The following ADAMTSL3 variants were observed in gnomAD, a reference collection of about 807,000 sequenced individuals.
ADAMTSL3 encodes the protein ADAMTS like 3.
In ADAMTSL3, 128 loss-of-function variants were observed where a neutral mutation model predicts 201.7. That is an observed-to-expected ratio of 0.63 (90% CI 0.55 to 0.73). The LOEUF (loss-of-function observed/expected upper bound fraction) is 0.73. Among genes scored for constraint, ADAMTSL3 ranks in the 30% least tolerant of loss-of-function variants. ADAMTSL3 has a pLI of 0.00. For synonymous variants in ADAMTSL3, 738 were observed against 748.4 expected (o/e 0.99, Z 0.23); for missense variants, 1,990 against 2,119.6 (o/e 0.94, Z 1.20).
At chr15:83,671,339 C>G (rs779306561) in intron 2 of ADAMTSL3, among the ~76,000 whole-genome samples, 1 of 152,092 alleles carries the variant, frequency 6.6e-6, no homozygotes, top group African/African-American at 2.4e-5. Context: ...ACTTTTTATA[C>G]AATTGTTGGT....
chr15:83,868,109 T>A (rs901997973), intron 8 of ADAMTSL3, among the ~76,000 whole-genome samples: 1 of 152,100 alleles, frequency 6.6e-6, no homozygotes, highest in African/African-American at 2.4e-5. Flanking sequence ...AGGCTCACAC[T>A]CTCTTCCCTT....
intron 28 of ADAMTSL3, among the ~76,000 whole-genome samples, chr15:84,033,563 G>T (rs1204733700): frequency 6.6e-6 from 1 of 152,164 alleles, no homozygotes; most frequent in African/African-American, 2.4e-5. Context: ...GGAGGCTGAG[G>T]CAGGAGAATT....
At chr15:83,949,002 A>G (rs1013929524) in intron 19 of ADAMTSL3, among the ~76,000 whole-genome samples, 7 of 152,184 alleles carry the variant, frequency 4.6e-5, no homozygotes, top group African/African-American at 1.7e-4. Flanking sequence ...TATCCTTTGT[A>G]TAATAAACAA....
intron 2 of ADAMTSL3, among the ~76,000 whole-genome samples, chr15:83,691,777 G>A (rs1340780850): frequency 6.6e-6 from 1 of 152,100 alleles, no homozygotes; most frequent in Non-Finnish European, 1.5e-5. Flanking sequence ...ACCATGCCCA[G>A]CTAATTTTTG....
chr15:83,915,238 ATCT>A (rs2066013471), intron 16 of ADAMTSL3, among the ~76,000 whole-genome samples: 1 of 152,160 alleles, frequency 6.6e-6, no homozygotes, highest in Admixed American at 6.5e-5. Flanking sequence ...TCCCTGTTTC[ATCT>A]TCTTCTCCTG....
intron 9 of ADAMTSL3, among the ~76,000 whole-genome samples, chr15:83,872,440 T>C (rs1381964670): frequency 2.6e-5 from 4 of 152,196 alleles, no homozygotes; most frequent in Admixed American, 1.3e-4. Context: ...ATTGATCCAA[T>C]AGTCTTCTTA....
chr15:83,770,947 G>T (rs1010438524), intron 3 of ADAMTSL3, among the ~76,000 whole-genome samples: 7 of 152,048 alleles, frequency 4.6e-5, no homozygotes, highest in Non-Finnish European at 1.5e-5. Context: ...GGCACCTGTA[G>T]TCCCAGCTAC....
intron 3 of ADAMTSL3, among the ~76,000 whole-genome samples, chr15:83,764,207 A>C (rs891013901): frequency 6.6e-6 from 1 of 152,096 alleles, no homozygotes; most frequent in Non-Finnish European, 1.5e-5. Context: ...GTGGCCTTCT[A>C]GCTATGCTCT....
At position 83,943,078 on chromosome 15, in the gene ADAMTSL3, C is replaced by T. The variant is rs771490066; in HGVS notation, c.2486C>T (p.Ser829Leu). 17 of 1,608,348 alleles carry T rather than the reference C, an allele frequency of 1.1e-5. No homozygotes were observed. The highest frequency in any genetic ancestry group is 3.3e-4 in the Middle Eastern group (2 of 6,034). Reference protein sequence around the residue: ...CPPHLAVGDWSKCSVSCGVGI... With the variant: ...CPPHLAVGDWLKCSVSCGVGI... ...CCACATTTAGCTGTGGGAGACTGGT[C>T]GAAGGTAAGGGCCAGGCTCAACTTT... The change falls in exon 19 of 30, where the codon TCG (serine) becomes TTG (leucine). Residue 829 changes from serine (S) to leucine (L), a missense_variant. Physicochemically the swap from Ser to Leu is moderately radical, Grantham distance 145 (BLOSUM62 -2). Coordinates refer to ENST00000286744, the MANE Select transcript of ADAMTSL3 (RefSeq NM_207517.3).
intron 23 of ADAMTSL3, 36 bp downstream of exon 23, chr15:83,991,250 T>C: frequency 1.2e-6 from 2 of 1,613,256 alleles, no homozygotes; most frequent in Non-Finnish European, 1.7e-6. Context: ...GCCATTTCAG[T>C]GGGAGGTAAG....
At chr15:83,804,512 T>G (rs2063572353) in intron 4 of ADAMTSL3, 138 bp from the exon 5 acceptor site, 1 of 606,934 alleles carries the variant, frequency 1.6e-6, no homozygotes, top group Non-Finnish European at 2.9e-6. Context: ...AATTAAACTT[T>G]GAATCTTTGG....
intron 16 of ADAMTSL3, among the ~76,000 whole-genome samples, chr15:83,923,568 G>A (rs1224845385): frequency 6.6e-6 from 1 of 152,186 alleles, no homozygotes; most frequent in Non-Finnish European, 1.5e-5. Flanking sequence ...TGGCTTATTT[G>A]GGGGAACTCC....
chr15:83,995,110 G>GTCAC (rs1460080372), intron 23 of ADAMTSL3, among the ~76,000 whole-genome samples: 2 of 152,080 alleles, frequency 1.3e-5, no homozygotes, highest in Admixed American at 6.5e-5. Context: ...GCCTCCTGCA[G>GTCAC]TCACTGGCTG....
intron 3 of ADAMTSL3, among the ~76,000 whole-genome samples, chr15:83,710,593 T>G (rs917921901): frequency 6.6e-6 from 1 of 152,136 alleles, no homozygotes; most frequent in African/African-American, 2.4e-5. Context: ...TACAATTCCA[T>G]GTTTGTAAAG....
intron 3 of ADAMTSL3, among the ~76,000 whole-genome samples, chr15:83,735,852 G>A (rs1371486367): frequency 6.6e-6 from 1 of 152,004 alleles, no homozygotes; most frequent in Admixed American, 6.6e-5. Flanking sequence ...CTAGAAAGAG[G>A]CTACCAATAA....
At chr15:83,819,661 CAAAAAAA>C in intron 5 of ADAMTSL3, 143 bp from the exon 6 acceptor site, 9 of 523,266 alleles carry the variant, frequency 1.7e-5, no homozygotes, top group South Asian at 4.9e-5. Context: ...AACGTTGAAT[CAAAAAAA>C]AAAAAAAAAA....
intron 13 of ADAMTSL3, among the ~76,000 whole-genome samples, chr15:83,897,480 C>G (rs1208410260): frequency 6.6e-6 from 1 of 152,052 alleles, no homozygotes; most frequent in Admixed American, 6.6e-5. Flanking sequence ...ATTGACAGTT[C>G]AGAAAGGTTT....
chr15:84,019,908 A>AG (rs1233453682), intron 25 of ADAMTSL3, among the ~76,000 whole-genome samples: 1 of 151,464 alleles, frequency 6.6e-6, no homozygotes, highest in Non-Finnish European at 1.5e-5. Flanking sequence ...AAAAAAAAAA[A>AG]AAAGAAACCA....
intron 16 of ADAMTSL3, among the ~76,000 whole-genome samples, chr15:83,921,442 C>G (rs926709655): frequency 6.6e-6 from 1 of 152,088 alleles, no homozygotes; most frequent in Non-Finnish European, 1.5e-5. Flanking sequence ...ATATTAAATA[C>G]TGATTGGCAC....
Sources: gnomAD v4.1 joint callset for allele counts (sites outside exome capture counted in the v4.1 genomes callset) on GRCh38, gnomAD v4.1.1 for gene constraint, MANE v1.5 for transcripts, NCBI Gene and HGNC (gene_info 2026-07-23, HGNC 2026-07-21) for gene names.